SLK: variants seen among roughly 807,000 people sequenced by gnomAD.
The protein encoded by SLK is STE20 like kinase.
A neutral mutation model predicts 147.7 loss-of-function variants in SLK; 67 were observed. The observed-to-expected ratio is 0.45, with a 90% CI of 0.37 to 0.56. The LOEUF (loss-of-function observed/expected upper bound fraction) is 0.56. Ranked by LOEUF, SLK falls within the 20% of genes least tolerant of loss-of-function variation. SLK has a pLI of 0.00. For synonymous variants in SLK, 441 were observed against 475.0 expected (o/e 0.93, Z 0.93); for missense variants, 1,136 against 1,438.8 (o/e 0.79, Z 3.41).
At chr10:103,974,896 C>G (rs971766731) in intron 1 of SLK, 7 of 124,784 alleles carry the variant, frequency 5.6e-5, no homozygotes, top group African/African-American at 2.2e-4. Context: ...GTCGCGATCT[C>G]TTGACCTCAT....
At chr10:104,001,403 G>A (rs1844246388) in intron 7 of SLK, 41 bp from the exon 8 acceptor site, 4 of 1,510,568 alleles carry the variant, frequency 2.6e-6, no homozygotes, top group Non-Finnish European at 3.7e-6. Context: ...TAGTTTAGTA[G>A]TATTCCAGTT....
intron 1 of SLK, among the ~76,000 whole-genome samples, chr10:103,983,266 T>G (rs1843969910): frequency 6.6e-6 from 1 of 152,238 alleles, no homozygotes; most frequent in Non-Finnish European, 1.5e-5. Context: ...AATTTGCATG[T>G]AATTTAAAAC....
intron 1 of SLK, among the ~76,000 whole-genome samples, chr10:103,984,297 AATC>A (rs2134457958): frequency 6.6e-6 from 1 of 152,350 alleles, no homozygotes; most frequent in Admixed American, 6.5e-5. Flanking sequence ...ACATTAAAAT[AATC>A]ATTGAATTTT....
chr10:103,999,362 A>G (rs1406338472), intron 6 of SLK, 49 bp downstream of exon 6: 2 of 1,339,878 alleles, frequency 1.5e-6, no homozygotes, highest in South Asian at 1.4e-5. Flanking sequence ...GATACTAGGA[A>G]GCAGAACTTG....
chr10:103,993,502 T>G (rs1236703478), intron 4 of SLK, among the ~76,000 whole-genome samples: 1 of 152,184 alleles, frequency 6.6e-6, no homozygotes, highest in African/African-American at 2.4e-5. Context: ...AGTTTTTTCT[T>G]TATTTCCAAA....
chr10:104,014,976 C>A (rs1774600), intron 13 of SLK, among the ~76,000 whole-genome samples: 34,487 of 151,350 alleles, frequency 0.23, 4,529 homozygotes, highest in African/African-American at 0.37. Context: ...AAAGTAATTT[C>A]TAATTATAAA....
At chr10:103,971,599 A>AG (rs1372568146) in intron 1 of SLK, among the ~76,000 whole-genome samples, 2 of 152,358 alleles carry the variant, frequency 1.3e-5, no homozygotes, top group Non-Finnish European at 1.5e-5. Flanking sequence ...TGTTTTTAAC[A>AG]GAAAAAAAAG....
chr10:104,020,712 C>A, intron 17 of SLK, 99 bp downstream of exon 17: 1 of 1,290,196 alleles, frequency 7.8e-7, no homozygotes, highest in Non-Finnish European at 1.1e-6. Context: ...CTGCATCATA[C>A]ACGAACATGC....
intron 1 of SLK, among the ~76,000 whole-genome samples, chr10:103,985,916 C>T (rs1332819499): frequency 6.6e-6 from 1 of 152,062 alleles, no homozygotes. Flanking sequence ...TTCCCAGTAT[C>T]CCTCATTTGT....
intron 13 of SLK, among the ~76,000 whole-genome samples, chr10:104,017,681 T>C (rs1404484231): frequency 3.9e-5 from 6 of 152,210 alleles, no homozygotes; most frequent in African/African-American, 1.2e-4. Context: ...GGTTTCACCA[T>C]GTTGGCCAGG....
intron 18 of SLK, among the ~76,000 whole-genome samples, chr10:104,023,695 C>T (rs888094997): frequency 2.6e-5 from 4 of 152,142 alleles, no homozygotes; most frequent in African/African-American, 9.7e-5. Flanking sequence ...CTATACTGAA[C>T]CCCAAACATT....
At chr10:104,024,628 C>G (rs1378377812) in intron 18 of SLK, among the ~76,000 whole-genome samples, 1 of 152,218 alleles carries the variant, frequency 6.6e-6, no homozygotes, top group Non-Finnish European at 1.5e-5. Flanking sequence ...GCACTAAGCT[C>G]ATGTTTCACC....
intron 1 of SLK, among the ~76,000 whole-genome samples, chr10:103,985,146 C>T (rs1488913598): frequency 1.3e-5 from 2 of 151,854 alleles, no homozygotes; most frequent in Non-Finnish European, 2.9e-5. Flanking sequence ...AGTCTCTTAC[C>T]GTGCCTAATT....
intron 18 of SLK, among the ~76,000 whole-genome samples, chr10:104,023,255 C>T (rs145311132): frequency 6.6e-6 from 1 of 152,104 alleles, no homozygotes; most frequent in East Asian, 1.9e-4. Flanking sequence ...TCAGTTTTGC[C>T]CCTGTAGTAA....
intron 1 of SLK, among the ~76,000 whole-genome samples, chr10:103,969,872 G>T (rs1008468053): frequency 6.6e-6 from 1 of 152,176 alleles, no homozygotes; most frequent in East Asian, 1.9e-4. Context: ...TATGTAATTA[G>T]CCTGGAAAGG....
intron 1 of SLK, among the ~76,000 whole-genome samples, chr10:103,976,952 G>A (rs1478568299): frequency 6.6e-6 from 1 of 152,030 alleles, no homozygotes; most frequent in African/African-American, 2.4e-5. Context: ...TTTTGTGGAG[G>A]GCTGTCCTAT....
Position 104,002,664 on chromosome 10 carries a change from T to C in SLK, c.1486T>C (p.Leu496=). ...ATCTGAAGAAATTAAAGATACTATT[T>C]TGCAAACAGTAGATTTAGTTTCTCA... ...IKSEEIKDTI[L]QTVDLVSQET... is the part of the protein sequence containing the mutation. Residue 496 remains leucine (L), a synonymous_variant, in exon 9 of 19, where the codon TTG becomes CTG. Coordinates refer to ENST00000369755, the MANE Select transcript of SLK (RefSeq NM_014720.4). 2 of 1,610,334 alleles carry C rather than the reference T, an allele frequency of 1.2e-6. No homozygotes were observed. Among genetic ancestry groups the C allele is most frequent in the Non-Finnish European group, 8.5e-7 (1 of 1,179,000 alleles).
At chr10:104,019,703 C>G (rs554469748) in intron 15 of SLK, 31 bp from the exon 16 acceptor site, 1 of 1,531,166 alleles carries the variant, frequency 6.5e-7, no homozygotes, top group South Asian at 1.1e-5. Flanking sequence ...ATTGTTTCTG[C>G]GTCACTGGAT....
At chr10:104,014,377 A>G (rs1844435860) in intron 13 of SLK, among the ~76,000 whole-genome samples, 3 of 152,176 alleles carry the variant, frequency 2.0e-5, no homozygotes, top group Admixed American at 6.5e-5. Context: ...TGCAGTTTCT[A>G]TAGGGAAATA....
Sources: gnomAD v4.1 joint callset for allele counts (sites outside exome capture counted in the v4.1 genomes callset) on GRCh38, gnomAD v4.1.1 for gene constraint, MANE v1.5 for transcripts, NCBI Gene and HGNC (gene_info 2026-07-23, HGNC 2026-07-21) for gene names.